Variants in IGLL5 observed in about 807,000 individuals in gnomAD.
IGLL5 encodes the protein immunoglobulin lambda-like polypeptide 5.
In IGLL5, 30 loss-of-function variants were observed where a neutral mutation model predicts 20.9. The observed-to-expected ratio is 1.44, with a 90% CI of 1.07 to 1.95. IGLL5 has a LOEUF of 1.95. Among genes scored for constraint, IGLL5 ranks in the 30% most tolerant of loss-of-function variants. The pLI, the probability that IGLL5 is intolerant of heterozygous loss-of-function variation, is 0.00. For missense variants in IGLL5, 475 were observed against 270.7 expected (o/e 1.75, Z -5.30); for synonymous variants, 203 against 117.3 (o/e 1.73, Z -4.72).
chr22:22,894,101 C>G, intron 2 of IGLL5, among the ~76,000 whole-genome samples: 1 of 151,490 alleles, frequency 6.6e-6, no homozygotes, highest in Non-Finnish European at 1.5e-5. Flanking sequence ...GAGTGAGGGA[C>G]AGAGGCTGGT....
rs768078925 is a variant in IGLL5 at position 22,895,736 on chromosome 22, G to C, written c.*42G>C. The C allele has an allele frequency of 3.1e-6, 5 of 1,594,822 alleles. No individual in the cohort carries two copies. The Admixed American group carries it at 6.7e-5, about 21-fold the overall frequency. On this transcript the variant is annotated 3_prime_UTR_variant, in exon 3 of 3. Transcript: ENST00000526893. ...CCACCCACGGGAGCCTGGAGCTGCA[G>C]GATCCCAGGGGAGGGGTCTCTCTCC...
Position 22,888,121 on chromosome 22 carries a change from G to C in IGLL5, c.68G>C (p.Arg23Pro), listed in dbSNP as rs760013498. 1 of 1,549,648 alleles carries C rather than the reference G, an allele frequency of 6.5e-7. No homozygotes were observed. Among genetic ancestry groups the C allele is most frequent in the Non-Finnish European group, 8.7e-7 (1 of 1,146,800 alleles). ...GAGCTGGGCCCTGGTCCCAGGCAGCGCTGGCCCCTGCTGCTGCTGGGTCTG... is the reference window on the plus strand; with the variant it reads ...GAGCTGGGCCCTGGTCCCAGGCAGCCCTGGCCCCTGCTGCTGCTGGGTCTG... ...PEELGPGPRQRWPLLLLGLAM... is the reference protein window; with the variant it reads ...PEELGPGPRQPWPLLLLGLAM... The change falls in exon 1 of 3, where the codon CGC (arginine) becomes CCC (proline). Residue 23 changes from arginine (R) to proline (P), a missense_variant. By Grantham distance (103) the Arg-to-Pro change is moderately radical (BLOSUM62 -2). Transcript: ENST00000526893.
At chr22:22,891,361 T>C (rs1415333310) in intron 1 of IGLL5, among the ~76,000 whole-genome samples, 7 of 151,246 alleles carry the variant, frequency 4.6e-5, no homozygotes, top group African/African-American at 1.7e-4. Flanking sequence ...ACTACATTAC[T>C]GATTTATTAC....
intron 2 of IGLL5, among the ~76,000 whole-genome samples, chr22:22,894,775 T>G (rs2146046165): frequency 1.3e-5 from 2 of 150,964 alleles, no homozygotes; most frequent in Middle Eastern, 3.8e-3. Flanking sequence ...AGGAAACATC[T>G]CAGAGCCTCA....
At chr22:22,888,654 G>C (rs574733607) in intron 1 of IGLL5, among the ~76,000 whole-genome samples, 1 of 151,276 alleles carries the variant, frequency 6.6e-6, no homozygotes, top group African/African-American at 2.4e-5. Context: ...CTGCCCATGT[G>C]CCTCCTGCCC....
At chr22:22,894,142 G>A (rs2067988145) in intron 2 of IGLL5, among the ~76,000 whole-genome samples, 1 of 151,530 alleles carries the variant, frequency 6.6e-6, no homozygotes, top group African/African-American at 2.4e-5. Flanking sequence ...TGTCCTTAGG[G>A]ACATTGCCCA....
intron 2 of IGLL5, among the ~76,000 whole-genome samples, chr22:22,894,209 C>G (rs1356971929): frequency 1.3e-5 from 2 of 151,342 alleles, no homozygotes; most frequent in South Asian, 2.1e-4. Flanking sequence ...GCTGCTGAGT[C>G]TCATAGTCTA....
chr22:22,891,393 G>T (rs2067842666), intron 1 of IGLL5, among the ~76,000 whole-genome samples: 2 of 151,180 alleles, frequency 1.3e-5, no homozygotes, highest in African/African-American at 4.8e-5. Context: ...GGTTCTCTTG[G>T]TTTATTGAGC....
intron 1 of IGLL5, among the ~76,000 whole-genome samples, chr22:22,889,998 T>C (rs1313186527): frequency 6.6e-6 from 1 of 151,066 alleles, no homozygotes; most frequent in Non-Finnish European, 1.5e-5. Context: ...TCACCTAATT[T>C]TAATGTGGCT....
In IGLL5 at chr22:22,893,754, G is replaced by A. The variant is rs1398181717; in HGVS notation, c.261G>A (p.Gly87=). ...CAGACCCCAGGTGCTGGCCCCGGGG[G>A]TTTTGGTCTGAGCCTCAGTCACTGT... ...QRADPRCWPR[G]FWSEPQSLCY... is the part of the protein sequence containing the mutation. The change falls in exon 2 of 3, where the codon GGG becomes GGA. Residue 87 remains glycine (G), a synonymous_variant. Coordinates refer to ENST00000526893, the MANE Select transcript of IGLL5 (RefSeq NM_001178126.2). The A allele has an allele frequency of 1.9e-6, 3 of 1,606,672 alleles. No homozygotes were observed. Among genetic ancestry groups the A allele is most frequent in the South Asian group, 2.2e-5 (2 of 90,646 alleles).
intron 1 of IGLL5, among the ~76,000 whole-genome samples, chr22:22,888,947 G>T (rs565169656): frequency 6.6e-6 from 1 of 151,342 alleles, no homozygotes; most frequent in Admixed American, 6.6e-5. Context: ...AAAAGACAGA[G>T]CAGCGTCAGA....
chr22:22,889,852 T>C (rs548535230), intron 1 of IGLL5, among the ~76,000 whole-genome samples: 1 of 151,296 alleles, frequency 6.6e-6, no homozygotes, highest in Non-Finnish European at 1.5e-5. Context: ...CTGCCTCAGT[T>C]TCCCACGTGC....
intron 1 of IGLL5, among the ~76,000 whole-genome samples, chr22:22,888,599 C>G (rs2067620846): frequency 2.0e-5 from 3 of 151,346 alleles, no homozygotes; most frequent in South Asian, 2.1e-4. Context: ...GTGGTGGCCA[C>G]TGTCCCCACA....
At chr22:22,888,593 T>G (rs1601602334) in intron 1 of IGLL5, among the ~76,000 whole-genome samples, 1 of 151,298 alleles carries the variant, frequency 6.6e-6, no homozygotes, top group African/African-American at 2.4e-5. Flanking sequence ...CAGGGGGTGG[T>G]GGCCACTGTC....
Position 22,889,395 on chromosome 22 carries a change from G to C in IGLL5, c.206+1136G>C, listed in dbSNP as rs6003370. Among the ~76,000 whole-genome samples the C allele has an allele frequency of 2.4e-4, 37 of 151,264 alleles. 1 individual carries two copies. The highest frequency in any genetic ancestry group is 8.0e-4 in the African/African-American group (33 of 41,258). ...AACAGGCGGCGAGTCAAAAAACAAA[G>C]TGTGTTTATCTAAACTGGGCAATTC... On this transcript the variant is annotated intron_variant, in intron 1 of 2. Coordinates refer to ENST00000526893, the MANE Select transcript of IGLL5 (RefSeq NM_001178126.2).
In IGLL5 at chr22:22,888,195, G is replaced by A. The variant is rs756368248; in HGVS notation, c.142G>A (p.Gly48Arg). Residue 48 changes from glycine to arginine, a missense_variant, in exon 1 of 3, where the codon GGG (glycine) becomes AGG (arginine). Physicochemically the swap from Gly to Arg is moderately radical, Grantham distance 125. Transcript: ENST00000526893. ...LLRPMVAPQS[G>R]DPDPGASVGS... The stretch of plus-strand genomic sequence containing the variant: ...GCGCCCAATGGTTGCACCGCAAAGC[G>A]GGGACCCAGACCCTGGAGCCTCAGT... 7.7e-5 allele frequency: 119 copies of A among 1,548,698 alleles called. No individual in the cohort carries two copies. In the East Asian group the frequency reaches 1.5e-3, roughly 19 times the overall value.
chr22:22,894,962 A>C (rs531948939), intron 2 of IGLL5, among the ~76,000 whole-genome samples: 2 of 151,446 alleles, frequency 1.3e-5, no homozygotes, highest in African/African-American at 4.8e-5. Context: ...GGGGACCCAC[A>C]GTTCACGGAG....
In IGLL5 at chr22:22,895,558, G is replaced by A. The variant is rs760062688; in HGVS notation, c.509G>A (p.Ser170Asn). 2.7e-5 allele frequency: 44 copies of A among 1,612,986 alleles called. No homozygotes were observed. The South Asian group carries it at 4.7e-4, about 17-fold the overall frequency. The change falls in exon 3 of 3, where the codon AGC (serine) becomes AAC (asparagine). Residue 170 changes from serine to asparagine, a missense_variant. Transcript: ENST00000526893. ...GAGACCACCAAACCCTCCAAACAGAGCAACAACAAGTACGCGGCCAGCAGC... is the reference window on the plus strand; with the variant it reads ...GAGACCACCAAACCCTCCAAACAGAACAACAACAAGTACGCGGCCAGCAGC... Reference protein sequence around the residue: ...GVETTKPSKQSNNKYAASSYL... With the variant: ...GVETTKPSKQNNNKYAASSYL...
chr22:22,889,801 TGCTCAG>T (rs542034347), intron 1 of IGLL5, among the ~76,000 whole-genome samples: 1 of 151,400 alleles, frequency 6.6e-6, no homozygotes, highest in Non-Finnish European at 1.5e-5. Context: ...CTCGCTATAT[TGCTCAG>T]GCCTGTCTCA....
Sources: allele counts gnomAD v4.1 joint callset (sites outside exome capture counted in the v4.1 genomes callset), GRCh38; gene constraint gnomAD v4.1.1; transcripts MANE v1.5; gene names NCBI Gene and HGNC (gene_info 2026-07-23, HGNC 2026-07-21).